Variants in LRIG1 observed in about 807,000 individuals in gnomAD.
The protein encoded by LRIG1 is leucine rich repeats and immunoglobulin like domains 1.
In LRIG1, 48 loss-of-function variants were observed where a neutral mutation model predicts 99.2. That is an observed-to-expected ratio of 0.48 (90% CI 0.38 to 0.62). The LOEUF (loss-of-function observed/expected upper bound fraction) is 0.62, where lower values mean the gene tolerates loss of function less well. Ranked by LOEUF, LRIG1 falls within the 20% of genes least tolerant of loss-of-function variation. LRIG1 has a pLI of 0.00. For missense variants in LRIG1, 1,646 were observed against 1,434.4 expected (o/e 1.15, Z -2.38); for synonymous variants, 772 against 596.1 (o/e 1.29, Z -4.30).
intron 6 of LRIG1, among the ~76,000 whole-genome samples, chr3:66,411,100 G>C (rs1201567809): frequency 1.3e-5 from 2 of 152,208 alleles, no homozygotes; most frequent in Non-Finnish European, 1.5e-5. Context: ...TCAGGATTCA[G>C]TGCAGCTCTA....
At chr3:66,429,410 A>T (rs2106737510) in intron 3 of LRIG1, among the ~76,000 whole-genome samples, 1 of 152,340 alleles carries the variant, frequency 6.6e-6, no homozygotes, top group South Asian at 2.1e-4. Context: ...GCACAAATAA[A>T]CAAGAGCAGC....
chr3:66,461,224 G>C (rs1700347672), intron 2 of LRIG1, among the ~76,000 whole-genome samples: 1 of 152,144 alleles, frequency 6.6e-6, no homozygotes, highest in Non-Finnish European at 1.5e-5. Context: ...AAAATCACTT[G>C]AACCCGGGAG....
In LRIG1 at chr3:66,451,304, C is replaced by T. The variant is rs545209069; in HGVS notation, c.365+255G>A. ...AGAAATCTAGTTCCATATACCTCTG[C>T]GCATTAAAAAAAAAAAAGACAAAAG... On this transcript the variant is annotated intron_variant, in intron 3 of 18. Transcript: ENST00000273261. Among the ~76,000 whole-genome samples, 17 of 144,652 alleles carry T rather than the reference C, an allele frequency of 1.2e-4. No homozygotes were observed. In the East Asian group the frequency reaches 2.2e-3, roughly 18 times the overall value. The allele number at this position is 144,652 out of a possible 152,430, so 94.9% of individuals were successfully genotyped here.
At chr3:66,446,568 G>A (rs1402426129) in intron 3 of LRIG1, among the ~76,000 whole-genome samples, 1 of 151,848 alleles carries the variant, frequency 6.6e-6, no homozygotes, top group African/African-American at 2.4e-5. Flanking sequence ...ACCACTCCTG[G>A]CTGATTTTTG....
At chr3:66,425,918 G>A (rs925112335) in intron 3 of LRIG1, among the ~76,000 whole-genome samples, 7 of 152,230 alleles carry the variant, frequency 4.6e-5, no homozygotes, top group African/African-American at 1.7e-4. Context: ...CAGAGCTGAT[G>A]TTAAATTAGA....
At chr3:66,468,901 TCAC>T (rs906542427) in intron 1 of LRIG1, 6 of 152,308 alleles carry the variant, frequency 3.9e-5, no homozygotes, top group Admixed American at 2.6e-4. Flanking sequence ...TCCAATGAAA[TCAC>T]CACATTATGT....
At chr3:66,488,005 T>C (rs1036610962) in intron 1 of LRIG1, among the ~76,000 whole-genome samples, 1 of 151,796 alleles carries the variant, frequency 6.6e-6, no homozygotes, top group South Asian at 2.1e-4. Context: ...CGGAAAACAA[T>C]AATAAAAATA....
intron 13 of LRIG1, among the ~76,000 whole-genome samples, 154 bp from the exon 14 acceptor site, chr3:66,384,426 C>T (rs1575645089): frequency 1.3e-5 from 2 of 152,162 alleles, no homozygotes; most frequent in South Asian, 4.1e-4. Context: ...ACCTGTGAAT[C>T]AGGAACCCCC....
chr3:66,445,923 G>A (rs1448490840), intron 3 of LRIG1, among the ~76,000 whole-genome samples: 8 of 152,102 alleles, frequency 5.3e-5, no homozygotes, highest in Admixed American at 3.9e-4. Context: ...TCATGAGGCC[G>A]AGCCTAATTT....
intron 2 of LRIG1, among the ~76,000 whole-genome samples, chr3:66,452,340 G>A (rs1162997276): frequency 4.6e-5 from 7 of 152,154 alleles, no homozygotes; most frequent in East Asian, 1.9e-4. Context: ...ATCTCTTAAC[G>A]GAAGGGGAAA....
At chr3:66,478,750 A>G (rs893108263) in intron 1 of LRIG1, among the ~76,000 whole-genome samples, 8 of 152,100 alleles carry the variant, frequency 5.3e-5, no homozygotes, top group Middle Eastern at 6.8e-3. Context: ...TTTTTTTTCC[A>G]GTATGTCCCC....
intron 3 of LRIG1, among the ~76,000 whole-genome samples, chr3:66,441,639 A>T (rs1703544441): frequency 6.6e-6 from 1 of 152,214 alleles, no homozygotes; most frequent in Non-Finnish European, 1.5e-5. Context: ...TGCATGCTGC[A>T]TTTGCAGGGT....
intron 3 of LRIG1, among the ~76,000 whole-genome samples, chr3:66,418,664 A>G (rs1241181522): frequency 1.3e-5 from 2 of 152,200 alleles, no homozygotes; most frequent in Non-Finnish European, 2.9e-5. Flanking sequence ...CTGGCCAATC[A>G]AAGCATTCTT....
At chr3:66,447,612 C>T (rs982918144) in intron 3 of LRIG1, among the ~76,000 whole-genome samples, 1 of 152,154 alleles carries the variant, frequency 6.6e-6, no homozygotes, top group Non-Finnish European at 1.5e-5. Context: ...TAGAACAAAC[C>T]AGCTGGAGAA....
intron 3 of LRIG1, among the ~76,000 whole-genome samples, chr3:66,418,859 A>G (rs13075298): frequency 0.18 from 27,316 of 151,918 alleles, 2,566 homozygotes; most frequent in Admixed American, 0.25. Context: ...TCCATTTCCA[A>G]GGGTGCAACT....
chr3:66,487,246 A>C (rs779927015), intron 1 of LRIG1, among the ~76,000 whole-genome samples: 1 of 152,250 alleles, frequency 6.6e-6, no homozygotes, highest in Non-Finnish European at 1.5e-5. Flanking sequence ...ACACTGCAAG[A>C]AGCAACAGCA....
At chr3:66,417,348 C>G in intron 3 of LRIG1, 82 bp from the exon 4 acceptor site, 2 of 1,402,626 alleles carry the variant, frequency 1.4e-6, no homozygotes, top group Non-Finnish European at 2.0e-6. Context: ...CACCCCACCC[C>G]CCACCAATAT....
chr3:66,426,617 C>T (rs1418843609), intron 3 of LRIG1, among the ~76,000 whole-genome samples: 1 of 152,196 alleles, frequency 6.6e-6, no homozygotes, highest in Non-Finnish European at 1.5e-5. Flanking sequence ...GTCTTTTCTA[C>T]CTCTTCAGAA....
intron 3 of LRIG1, among the ~76,000 whole-genome samples, chr3:66,446,366 GGGCT>G (rs1703724110): frequency 1.3e-5 from 2 of 151,060 alleles, no homozygotes; most frequent in Admixed American, 1.3e-4. Flanking sequence ...TTACAACAGA[GGGCT>G]GTTAAGTATC....
Sources: gnomAD v4.1 joint callset for allele counts (sites outside exome capture counted in the v4.1 genomes callset) on GRCh38, gnomAD v4.1.1 for gene constraint, MANE v1.5 for transcripts, NCBI Gene and HGNC (gene_info 2026-07-23, HGNC 2026-07-21) for gene names.